The following CHD1L variants were observed in gnomAD, a reference collection of about 807,000 sequenced individuals.
CHD1L encodes the protein chromodomain helicase DNA binding protein 1 like.
A neutral mutation model predicts 115.9 loss-of-function variants in CHD1L; 118 were observed. The observed-to-expected ratio is 1.02, with a 90% confidence interval of 0.88 to 1.19. The LOEUF is 1.19. CHD1L is among the 50% of genes most tolerant of loss of function. CHD1L has a pLI of 0.00. For missense variants in CHD1L, 1,179 were observed against 1,065.3 expected (o/e 1.11, Z -1.49); for synonymous variants, 411 against 387.1 (o/e 1.06, Z -0.72).
chr1:147,211,997 A>T, the CHD1L span, among the ~76,000 whole-genome samples: 1 of 152,190 alleles, frequency 6.6e-6, no homozygotes, highest in South Asian at 2.1e-4. Flanking sequence ...GCTTTCCTTT[A>T]TGTAAGAACA....
chr1:147,277,096 A>T (rs989880724), intron 14 of CHD1L, among the ~76,000 whole-genome samples: 12 of 152,206 alleles, frequency 7.9e-5, no homozygotes, highest in Admixed American at 7.9e-4. Context: ...TTAGGCCCCT[A>T]TGATGAGGAG....
chr1:147,285,316 T>C lies in CHD1L; in HGVS notation c.1855-8T>C. 1 of 1,606,636 alleles carries C rather than the reference T, an allele frequency of 6.2e-7. No individual in the cohort carries two copies. The highest frequency in any genetic ancestry group is 8.5e-7 in the Non-Finnish European group (1 of 1,177,804). On this transcript the variant is annotated splice_polypyrimidine_tract_variant and splice_region_variant and intron_variant, in intron 16 of 22. Transcript: ENST00000369258. ...TGACCCTGGTGATGGATCTTGTTCT[T>C]CCTCTAGGTTCTCATCCCAGGCCTT...
the CHD1L span, among the ~76,000 whole-genome samples, chr1:147,207,323 G>T: frequency 2.6e-5 from 4 of 152,240 alleles, no homozygotes; most frequent in African/African-American, 9.6e-5. Context: ...GGTGAATCCA[G>T]GTGAAGGATA....
intron 14 of CHD1L, among the ~76,000 whole-genome samples, chr1:147,277,081 AG>A (rs1221507626): frequency 1.3e-5 from 2 of 152,182 alleles, no homozygotes; most frequent in Admixed American, 1.3e-4. Context: ...GATGGCTGTG[AG>A]GTTTTAGGCC....
chr1:147,187,035 G>A, the CHD1L span: 1 of 1,614,162 alleles, frequency 6.2e-7, no homozygotes. Context: ...CATCTGTGGT[G>A]AGGATAGCTT....
At chr1:147,233,801 C>A in the CHD1L span, among the ~76,000 whole-genome samples, 9 of 151,940 alleles carry the variant, frequency 5.9e-5, 1 homozygote, top group South Asian at 1.9e-3. Context: ...TTACCCCCAA[C>A]CCTGTGCTCT....
At chr1:147,269,328 A>G (rs1443668638) in intron 10 of CHD1L, among the ~76,000 whole-genome samples, 1 of 152,122 alleles carries the variant, frequency 6.6e-6, no homozygotes, top group Non-Finnish European at 1.5e-5. Context: ...TTTAAACTTA[A>G]GGGGAACTTG....
At chr1:147,263,402 G>A (rs886583027) in intron 6 of CHD1L, among the ~76,000 whole-genome samples, 3 of 140,934 alleles carry the variant, frequency 2.1e-5, no homozygotes, top group Middle Eastern at 3.3e-3. Flanking sequence ...GTACTCCAGC[G>A]TGGGTGACAG....
intron 1 of CHD1L, among the ~76,000 whole-genome samples, chr1:147,247,127 C>T (rs781987841): frequency 1.3e-5 from 2 of 152,108 alleles, no homozygotes; most frequent in East Asian, 1.9e-4. Flanking sequence ...GAGAGATTTG[C>T]CTCTAATGTT....
the CHD1L span, among the ~76,000 whole-genome samples, chr1:147,196,553 T>A: frequency 6.6e-6 from 1 of 151,924 alleles, no homozygotes; most frequent in African/African-American, 2.4e-5. Flanking sequence ...GATAAAGAGG[T>A]ATATACATCT....
At chr1:147,226,882 G>A in the CHD1L span, among the ~76,000 whole-genome samples, 1 of 150,420 alleles carries the variant, frequency 6.6e-6, no homozygotes, top group African/African-American at 2.5e-5. Flanking sequence ...ACTTGGGCTG[G>A]AGTGCAGTGG....
rs1277725304 is a variant in CHD1L at position 147,292,021 on chromosome 1, G to A, written c.2391+469G>A. On this transcript the variant is annotated intron_variant, in intron 20 of 22. Coordinates refer to ENST00000369258, the MANE Select transcript of CHD1L (RefSeq NM_004284.6). Reference sequence around the variant, plus strand: ...GGGGACACAGTTCAGCCTATAACAAGCAGATTGGGCCATAGTCTCCACTGT... The same window carrying A: ...GGGGACACAGTTCAGCCTATAACAAACAGATTGGGCCATAGTCTCCACTGT... Among the ~76,000 whole-genome samples, 9 of 152,130 alleles carry A rather than the reference G, an allele frequency of 5.9e-5. No individual in the cohort carries two copies. The East Asian group carries it at 9.6e-4, about 16-fold the overall frequency.
the CHD1L span, chr1:147,184,274 A>G: frequency 3.0e-6 from 1 of 334,778 alleles, no homozygotes; most frequent in Non-Finnish European, 5.2e-6. This position sits in a 1 kb window ranked among gnomAD's most constrained non-coding sequence, Gnocchi z 4.4. Context: ...AGATTTAAGA[A>G]AAGTTGCAAA....
In CHD1L at chr1:147,287,619, C is replaced by G. The variant is rs1212470813; in HGVS notation, c.2222-16C>G. On this transcript the variant is annotated splice_polypyrimidine_tract_variant and intron_variant, in intron 18 of 22. Coordinates refer to ENST00000369258, the MANE Select transcript of CHD1L (RefSeq NM_004284.6). ...TTCACCTCCTATAGATGAAAATTTT[C>G]TCTTTCTTCAAACAGATGACTCTGG... 8 of 1,604,514 alleles carry G rather than the reference C, an allele frequency of 5.0e-6. No homozygotes were observed. The highest frequency in any genetic ancestry group is 5.1e-6 in the Non-Finnish European group (6 of 1,174,234).
At chr1:147,222,454 G>A in the CHD1L span, among the ~76,000 whole-genome samples, 1 of 152,134 alleles carries the variant, frequency 6.6e-6, no homozygotes, top group Non-Finnish European at 1.5e-5. Flanking sequence ...CAGAAGAAAG[G>A]AGAAAAATTT....
the CHD1L span, chr1:147,208,757 G>T: frequency 3.9e-6 from 4 of 1,016,744 alleles, no homozygotes; most frequent in Non-Finnish European, 4.5e-6. Context: ...TTTTCTTAAT[G>T]TATGGGTAGA....
the CHD1L span, chr1:147,204,543 TTCTATGACC>T: frequency 6.3e-7 from 1 of 1,580,810 alleles, no homozygotes; most frequent in Non-Finnish European, 8.7e-7. Flanking sequence ...TTTCATAACC[TTCTATGACC>T]TCTGAAACTG....
At chr1:147,289,339 TCAGA>T (rs1484884649) in intron 19 of CHD1L, among the ~76,000 whole-genome samples, 10 of 152,286 alleles carry the variant, frequency 6.6e-5, no homozygotes, top group East Asian at 1.9e-4. Flanking sequence ...GAAGGAATTG[TCAGA>T]CAATTAGGGA....
Position 147,266,009 on chromosome 1 carries a change from A to G in CHD1L, c.817A>G (p.Lys273Glu). 6.2e-7 allele frequency: 1 copy of G among 1,613,970 alleles called. No individual in the cohort carries two copies. Among genetic ancestry groups the G allele is most frequent in the South Asian group, 1.1e-5 (1 of 91,056 alleles). The change falls in exon 8 of 23, where the codon AAG becomes GAG. Residue 273 changes from lysine to glutamate, a missense_variant. Coordinates refer to ENST00000369258, the MANE Select transcript of CHD1L (RefSeq NM_004284.6). ...TGAGGTAGCTACAGAGCTTCCCAAG[A>G]AGACAGAAGTAGTGATATACCATGG... ...KAEVATELPK[K>E]TEVVIYHGMS...
Sources: gnomAD v4.1 joint callset for allele counts (sites outside exome capture counted in the v4.1 genomes callset) on GRCh38, gnomAD v4.1.1 for gene constraint, Gnocchi (gnomAD v3.1) non-coding constraint, MANE v1.5 for transcripts, NCBI Gene and HGNC (gene_info 2026-07-23, HGNC 2026-07-21) for gene names.